The following NCKAP5 variants were observed in gnomAD, a reference collection of about 807,000 sequenced individuals.
The protein encoded by NCKAP5 is nck-associated protein 5.
A neutral mutation model predicts 167.0 loss-of-function variants in NCKAP5; 92 were observed. The observed-to-expected ratio is 0.55, with a 90% CI of 0.47 to 0.66. NCKAP5 has a LOEUF of 0.66. Ranked by LOEUF, NCKAP5 falls within the 30% of genes least tolerant of loss-of-function variation. The probability of loss-of-function intolerance (pLI) is 0.00; values close to 1 mark genes in which losing one functional copy is unlikely to be tolerated. For synonymous variants in NCKAP5, 891 were observed against 877.4 expected (o/e 1.02, Z -0.27); for missense variants, 2,378 against 2,315.0 (o/e 1.03, Z -0.56).
chr2:133,258,918 C>T (rs551845136), intron 4 of NCKAP5, among the ~76,000 whole-genome samples: 1 of 152,272 alleles, frequency 6.6e-6, no homozygotes, highest in South Asian at 2.1e-4. Flanking sequence ...TTTTGACTAA[C>T]AGTTCTACAA....
rs16843010 is a variant in NCKAP5 at position 132,888,233 on chromosome 2, T to C, written c.580-9317A>G. 9.6e-3 allele frequency among the ~76,000 whole-genome samples: 1,464 copies of C among 152,328 alleles called. 122 individuals are homozygous for C. The East Asian group carries it at 0.22, about 22-fold the overall frequency. On this transcript the variant is annotated intron_variant, in intron 8 of 19. Transcript: ENST00000409261. ...TTGGCATGGAATATGTACTTTTACC[T>C]ATGTCATCTCAGTGGTGGTCATACA...
chr2:132,785,922 C>T (rs1023240071), intron 13 of NCKAP5, among the ~76,000 whole-genome samples: 1 of 152,206 alleles, frequency 6.6e-6, no homozygotes, highest in Admixed American at 6.5e-5. Flanking sequence ...AGAAGCACAG[C>T]GATCTAAAGA....
intron 19 of NCKAP5, among the ~76,000 whole-genome samples, chr2:132,674,101 G>A (rs1021913719): frequency 1.3e-5 from 2 of 152,148 alleles, no homozygotes; most frequent in Non-Finnish European, 2.9e-5. Flanking sequence ...GCACACTTGC[G>A]AAAAACAATG....
intron 3 of NCKAP5, among the ~76,000 whole-genome samples, chr2:133,408,250 C>A (rs1365620717): frequency 6.6e-6 from 1 of 152,212 alleles, no homozygotes; most frequent in African/African-American, 2.4e-5. Context: ...AGGCGTGTGG[C>A]ACAGCTTGTG....
At chr2:133,137,406 T>TTGTG (rs58955655) in intron 5 of NCKAP5, among the ~76,000 whole-genome samples, 4,490 of 136,236 alleles carry the variant, frequency 0.033, 123 homozygotes, top group African/African-American at 0.075. Flanking sequence ...GAGCTTGGTT[T>TTGTG]TGTGTGTGTG....
chr2:132,744,848 C>T (rs1381808656), intron 16 of NCKAP5, among the ~76,000 whole-genome samples: 2 of 151,714 alleles, frequency 1.3e-5, no homozygotes, highest in East Asian at 3.9e-4. Flanking sequence ...TAAGCCAACA[C>T]ATTTTACAAT....
At chr2:132,740,525 G>A (rs1679092935) in intron 16 of NCKAP5, among the ~76,000 whole-genome samples, 1 of 152,108 alleles carries the variant, frequency 6.6e-6, no homozygotes, top group African/African-American at 2.4e-5. Flanking sequence ...TTTACCCCAT[G>A]GTTTTCTCCA....
the NCKAP5 span, among the ~76,000 whole-genome samples, chr2:133,592,023 C>T: frequency 1.5e-4 from 23 of 151,050 alleles, no homozygotes; most frequent in African/African-American, 4.6e-4. Flanking sequence ...CACAAATGCA[C>T]GTTTATTCTT....
chr2:133,366,559 C>T (rs548752534), intron 3 of NCKAP5, among the ~76,000 whole-genome samples: 1 of 152,250 alleles, frequency 6.6e-6, no homozygotes, highest in Non-Finnish European at 1.5e-5. Flanking sequence ...GCCTCAGCCC[C>T]CCAAAGTGCT....
intron 16 of NCKAP5, among the ~76,000 whole-genome samples, chr2:132,763,545 A>G (rs1421945163): frequency 1.3e-5 from 2 of 152,176 alleles, no homozygotes; most frequent in Non-Finnish European, 2.9e-5. Context: ...TTTAATTAAT[A>G]TGGGGTGTGA....
rs75731863 is a variant in NCKAP5, at chr2:133,528,169, G to T, written c.-61-10582C>A. On this transcript the variant is annotated intron_variant, in intron 2 of 19. Transcript: ENST00000409261. ...TTAGGTTTTACACACACATATATGT[G>T]TGTATACAGACATATATATATATTT... Among the ~76,000 whole-genome samples, 29 of 152,194 alleles carry T rather than the reference G, an allele frequency of 1.9e-4. No individual in the cohort carries two copies. In the East Asian group the frequency reaches 5.2e-3, roughly 27 times the overall value.
intron 3 of NCKAP5, among the ~76,000 whole-genome samples, chr2:133,498,532 G>T (rs1307661478): frequency 4.4e-4 from 64 of 146,644 alleles, no homozygotes; most frequent in Non-Finnish European, 4.6e-4. Context: ...GAAAAGGGCG[G>T]CAGGGAGGAA....
In NCKAP5 at chr2:133,425,295, G is replaced by T. The variant is rs968264147; in HGVS notation, c.69+92163C>A. On this transcript the variant is annotated intron_variant, in intron 3 of 19. Transcript: ENST00000409261. ...ATTGAGAGGACTATTTTGACTGTGA[G>T]ATTTGAGAAGTCTAATAAACACCTA... 5.3e-5 allele frequency among the ~76,000 whole-genome samples: 8 copies of T among 152,344 alleles called. No homozygotes were observed. The South Asian group carries it at 1.7e-3, about 32-fold the overall frequency.
intron 3 of NCKAP5, among the ~76,000 whole-genome samples, chr2:133,500,162 G>A (rs1054944266): frequency 6.6e-6 from 1 of 152,100 alleles, no homozygotes; most frequent in African/African-American, 2.4e-5. Context: ...CCAATTACAA[G>A]TGATCTATTT....
intron 3 of NCKAP5, among the ~76,000 whole-genome samples, chr2:133,326,982 A>C (rs1299967327): frequency 2.6e-5 from 4 of 152,226 alleles, no homozygotes; most frequent in African/African-American, 9.6e-5. Flanking sequence ...CCACATTCTG[A>C]GTAGCAGGAA....
intron 8 of NCKAP5, among the ~76,000 whole-genome samples, chr2:132,940,328 A>G (rs1304644222): frequency 6.6e-6 from 1 of 152,158 alleles, no homozygotes; most frequent in African/African-American, 2.4e-5. Flanking sequence ...ATGGTCCTCA[A>G]GACAGAGTCC....
At chr2:133,593,034 T>C in the NCKAP5 span, among the ~76,000 whole-genome samples, 2 of 152,172 alleles carry the variant, frequency 1.3e-5, no homozygotes, top group African/African-American at 4.8e-5. Context: ...ACCATGAGCA[T>C]TCCTGGATTG....
intron 6 of NCKAP5, among the ~76,000 whole-genome samples, chr2:133,056,774 T>A (rs2079816926): frequency 6.6e-6 from 1 of 152,228 alleles, no homozygotes; most frequent in African/African-American, 2.4e-5. Flanking sequence ...TGAAGACAGA[T>A]CATTCAGGCA....
At chr2:133,663,805 G>C in the NCKAP5 span, among the ~76,000 whole-genome samples, 2 of 152,020 alleles carry the variant, frequency 1.3e-5, no homozygotes, top group Admixed American at 6.6e-5. Context: ...ATCCATGAAG[G>C]TGAAATCAAC....
Sources: allele counts gnomAD v4.1 joint callset (sites outside exome capture counted in the v4.1 genomes callset), GRCh38; gene constraint gnomAD v4.1.1; transcripts MANE v1.5; gene names NCBI Gene and HGNC (gene_info 2026-07-23, HGNC 2026-07-21).